The following TTLL7 variants were observed in gnomAD, a reference collection of about 807,000 sequenced individuals.
TTLL7 encodes tubulin polyglutamylase TTLL7.
A neutral mutation model predicts 120.2 loss-of-function variants in TTLL7; 53 were observed. The ratio of observed to expected loss-of-function variants is 0.44; its 90% CI spans 0.35 to 0.55. The LOEUF is 0.55. Among genes scored for constraint, TTLL7 ranks in the 20% least tolerant of loss-of-function variants. TTLL7 has a pLI of 0.00. For missense variants in TTLL7, 803 were observed against 1,054.7 expected, an observed-to-expected ratio of 0.76 and a Z score of 3.31; for synonymous variants, 353 against 351.7, an observed-to-expected ratio of 1.00 and a Z score of -0.04.
chr1:83,995,209 A>G (rs1168314615), intron 1 of TTLL7, among the ~76,000 whole-genome samples: 2 of 151,948 alleles, frequency 1.3e-5, no homozygotes, highest in Non-Finnish European at 2.9e-5. Flanking sequence ...TAATATGCAA[A>G]TATTCTATAA....
intron 1 of TTLL7, among the ~76,000 whole-genome samples, chr1:83,998,422 T>C (rs1425153032): frequency 6.6e-6 from 1 of 152,142 alleles, no homozygotes; most frequent in East Asian, 1.9e-4. Flanking sequence ...AAGTGGATGA[T>C]GGCATGAGTC....
intron 1 of TTLL7, among the ~76,000 whole-genome samples, chr1:83,994,051 T>C (rs1006993827): frequency 1.3e-5 from 2 of 152,224 alleles, no homozygotes; most frequent in African/African-American, 4.8e-5. Context: ...TACAAACTTT[T>C]CAATAATAGG....
At chr1:83,948,512 A>T in intron 5 of TTLL7, 116 bp downstream of exon 5, 1 of 574,076 alleles carries the variant, frequency 1.7e-6, no homozygotes, top group Non-Finnish European at 3.1e-6. Flanking sequence ...CCAAAATTCT[A>T]TCACTCTCAT....
chr1:83,904,202 C>A, intron 17 of TTLL7, 43 bp from the exon 18 acceptor site: 1 of 1,467,866 alleles, frequency 6.8e-7, no homozygotes, highest in South Asian at 1.2e-5. Flanking sequence ...AGGTTGAAAC[C>A]CATTTTTTAA....
intron 6 of TTLL7, among the ~76,000 whole-genome samples, chr1:83,943,016 T>C (rs1648123577): frequency 6.6e-6 from 1 of 152,168 alleles, no homozygotes; most frequent in African/African-American, 2.4e-5. Flanking sequence ...AGTACGGTCC[T>C]GGAGGGGGTA....
At chr1:83,987,776 G>A (rs933055554) in intron 1 of TTLL7, among the ~76,000 whole-genome samples, 3 of 152,040 alleles carry the variant, frequency 2.0e-5, no homozygotes, top group African/African-American at 7.2e-5. Context: ...ATGAGAAAAT[G>A]TTTGCAAAAC....
At chr1:83,962,024 G>C (rs942848) in intron 1 of TTLL7, among the ~76,000 whole-genome samples, 64,673 of 151,906 alleles carry the variant, frequency 0.43, 15,368 homozygotes, top group Non-Finnish European at 0.54. Flanking sequence ...AGTCTCCTGA[G>C]ATTTCAATAA....
At chr1:83,873,549 A>G (rs1653636681) in intron 20 of TTLL7, among the ~76,000 whole-genome samples, 1 of 151,838 alleles carries the variant, frequency 6.6e-6, no homozygotes, top group Non-Finnish European at 1.5e-5. Context: ...AAAATGGCTA[A>G]CTCATTGCTA....
At chr1:83,889,189 A>C (rs1435750046) in intron 19 of TTLL7, among the ~76,000 whole-genome samples, 2 of 151,976 alleles carry the variant, frequency 1.3e-5, no homozygotes, top group Non-Finnish European at 2.9e-5. Context: ...CAGCAAGGAG[A>C]AGTGCCAAGT....
At chr1:83,924,129 G>A (rs1658912424) in intron 10 of TTLL7, among the ~76,000 whole-genome samples, 1 of 152,098 alleles carries the variant, frequency 6.6e-6, no homozygotes, top group Admixed American at 6.6e-5. Flanking sequence ...GATACAAAAA[G>A]AACCAGACAG....
intron 19 of TTLL7, among the ~76,000 whole-genome samples, chr1:83,889,468 G>C (rs1285313208): frequency 2.0e-5 from 3 of 151,968 alleles, no homozygotes; most frequent in African/African-American, 7.2e-5. Flanking sequence ...ATAAACTCTG[G>C]AGTCAAGGCT....
chr1:83,997,015 G>A (rs903035136), intron 1 of TTLL7, among the ~76,000 whole-genome samples: 1 of 152,120 alleles, frequency 6.6e-6, no homozygotes, highest in Non-Finnish European at 1.5e-5. Context: ...AGAACAAAAT[G>A]AAATGACTTT....
chr1:83,892,511 CATATATATGAACAT>C (rs1557564999), intron 18 of TTLL7, among the ~76,000 whole-genome samples: 5 of 128,774 alleles, frequency 3.9e-5, no homozygotes, highest in South Asian at 2.4e-4. Flanking sequence ...TATGAATGAA[CATATATATGAACAT>C]ATATATGAAC....
intron 9 of TTLL7, among the ~76,000 whole-genome samples, chr1:83,929,640 T>C (rs1000832286): frequency 6.6e-6 from 1 of 152,204 alleles, no homozygotes; most frequent in Admixed American, 6.6e-5. Context: ...CAATAATAAT[T>C]ATATACATCT....
At chr1:83,974,803 T>A (rs1436336267) in intron 1 of TTLL7, among the ~76,000 whole-genome samples, 1 of 152,082 alleles carries the variant, frequency 6.6e-6, no homozygotes, top group East Asian at 1.9e-4. Flanking sequence ...CAAATTGACC[T>A]ATTATACCTA....
chr1:83,983,157 C>A (rs1652127328), intron 1 of TTLL7, among the ~76,000 whole-genome samples: 1 of 152,038 alleles, frequency 6.6e-6, no homozygotes, highest in South Asian at 2.1e-4. Context: ...CATGGTGAAA[C>A]CCCATCTCTA....
At chr1:83,975,614 C>T (rs1185777375) in intron 1 of TTLL7, among the ~76,000 whole-genome samples, 1 of 152,112 alleles carries the variant, frequency 6.6e-6, no homozygotes, top group Non-Finnish European at 1.5e-5. Context: ...TAAGACAGGT[C>T]TGTTTGATTC....
At chr1:83,892,898 AAAG>A (rs754681263) in intron 18 of TTLL7, among the ~76,000 whole-genome samples, 57 of 146,416 alleles carry the variant, frequency 3.9e-4, no homozygotes, top group Non-Finnish European at 5.8e-4. Context: ...AGAGAAAGAG[AAAG>A]AAGGAAAAAG....
chr1:83,992,552 T>C lies in TTLL7; in HGVS notation c.-177+6379A>G, dbSNP rs151310771. On this transcript the variant is annotated intron_variant, in intron 1 of 20. Transcript: ENST00000260505. ...AATTAGTATCTAAAACAGGCAGCTA[T>C]AGACCAATTTCAAATCTCATTATGC... Among the ~76,000 whole-genome samples the C allele has an allele frequency of 2.5e-3, 378 of 152,256 alleles. 2 individuals are homozygous for C. Among genetic ancestry groups the C allele is most frequent in the Non-Finnish European group, 4.8e-3 (327 of 67,978 alleles).
Sources: allele counts gnomAD v4.1 joint callset (sites outside exome capture counted in the v4.1 genomes callset), GRCh38; gene constraint gnomAD v4.1.1; transcripts MANE v1.5; gene names NCBI Gene and HGNC (gene_info 2026-07-23, HGNC 2026-07-21).